DIP2C: variants seen among roughly 807,000 people sequenced by gnomAD.
The protein encoded by DIP2C is DIP2 acetate--CoA ligase C (putative).
DIP2C carries 33 observed loss-of-function variants against 192.4 expected under a neutral mutation model. The observed-to-expected ratio is 0.17, with a 90% CI of 0.13 to 0.23. The LOEUF is 0.23. Ranked by LOEUF, DIP2C falls within the 10% of genes least tolerant of loss-of-function variation. The pLI is 1.00. For synonymous variants in DIP2C, 979 were observed against 864.1 expected, an observed-to-expected ratio of 1.13 and a Z score of -2.33; for missense variants, 1,537 against 2,110.1, an observed-to-expected ratio of 0.73 and a Z score of 5.32.
intron 17 of DIP2C, among the ~76,000 whole-genome samples, chr10:378,670 G>A (rs1961958730): frequency 6.6e-6 from 1 of 151,124 alleles, no homozygotes; most frequent in Non-Finnish European, 1.5e-5. Context: ...GATATGCCTA[G>A]GCACACATGA....
At chr10:542,422 C>T (rs779036670) in intron 1 of DIP2C, among the ~76,000 whole-genome samples, 3 of 152,208 alleles carry the variant, frequency 2.0e-5, no homozygotes, top group Non-Finnish European at 4.4e-5. Flanking sequence ...GGAAAACAAG[C>T]TTCAGAAAGG....
chr10:668,283 C>T (rs1159698804), intron 1 of DIP2C: 1 of 151,870 alleles, frequency 6.6e-6, no homozygotes, highest in Non-Finnish European at 1.5e-5. Flanking sequence ...CAACATACAA[C>T]ATATAACACA....
chr10:604,064 C>A (rs916603903), intron 1 of DIP2C, among the ~76,000 whole-genome samples: 2 of 148,072 alleles, frequency 1.4e-5, no homozygotes, highest in African/African-American at 5.0e-5. Flanking sequence ...CTGGCCTCTA[C>A]CTCATCCTCA....
chr10:420,648 A>G (rs1589755559), intron 5 of DIP2C, among the ~76,000 whole-genome samples: 1 of 152,254 alleles, frequency 6.6e-6, no homozygotes, highest in Admixed American at 6.5e-5. Flanking sequence ...GGGATTTCCT[A>G]TCTTATGCCA....
intron 1 of DIP2C, among the ~76,000 whole-genome samples, chr10:536,922 T>TC (rs1407954632): frequency 6.6e-6 from 1 of 152,198 alleles, no homozygotes; most frequent in Non-Finnish European, 1.5e-5. Context: ...ATTCTGTTTT[T>TC]CCCAGAACTT....
At chr10:638,686 T>C (rs983554279) in intron 1 of DIP2C, among the ~76,000 whole-genome samples, 9 of 152,304 alleles carry the variant, frequency 5.9e-5, no homozygotes, top group Admixed American at 3.3e-4. Flanking sequence ...CCTCCCATTT[T>C]GGTGACAAAC....
At chr10:523,420 A>G (rs75792137) in intron 1 of DIP2C, among the ~76,000 whole-genome samples, 1,791 of 73,474 alleles carry the variant, frequency 0.024, 2 homozygotes, top group South Asian at 0.043. Context: ...CCTGGAGTGA[A>G]GATGCAGGGG....
intron 1 of DIP2C, among the ~76,000 whole-genome samples, chr10:513,528 C>T (rs1454467020): frequency 2.6e-5 from 4 of 152,084 alleles, no homozygotes; most frequent in Non-Finnish European, 4.4e-5. Context: ...CACAGCACAC[C>T]GCAGCCCATG....
At chr10:284,212 G>C (rs549554659) in intron 34 of DIP2C, among the ~76,000 whole-genome samples, 1 of 152,174 alleles carries the variant, frequency 6.6e-6, no homozygotes, top group Non-Finnish European at 1.5e-5. Context: ...AAGTGGTCAA[G>C]TTCCAGGAAG....
chr10:620,722 G>A (rs1853800992), intron 1 of DIP2C, among the ~76,000 whole-genome samples: 1 of 152,256 alleles, frequency 6.6e-6, no homozygotes, highest in Non-Finnish European at 1.5e-5. Context: ...TCCTGTGTCA[G>A]TGGGAGCCTC....
chr10:415,544 G>A (rs562647493), intron 7 of DIP2C, among the ~76,000 whole-genome samples: 1 of 152,106 alleles, frequency 6.6e-6, no homozygotes, highest in Admixed American at 6.5e-5. Context: ...CTGGGTCACA[G>A]AACAAAATCA....
At chr10:483,190 AAT>A (rs1212428098) in intron 2 of DIP2C, among the ~76,000 whole-genome samples, 3 of 152,212 alleles carry the variant, frequency 2.0e-5, no homozygotes, top group South Asian at 4.1e-4. Flanking sequence ...ACACTTTTAG[AAT>A]AGTTTCTGGA....
chr10:665,142 A>G (rs1199787573), intron 1 of DIP2C: 1 of 152,208 alleles, frequency 6.6e-6, no homozygotes, highest in Non-Finnish European at 1.5e-5. Context: ...TCCTGAATAA[A>G]ACAGAAAATA....
intron 17 of DIP2C, among the ~76,000 whole-genome samples, chr10:377,553 G>T (rs891475819): frequency 6.6e-6 from 1 of 152,130 alleles, no homozygotes; most frequent in African/African-American, 2.4e-5. Flanking sequence ...TAGATAAAAT[G>T]ACACAGTTTA....
chr10:286,406 C>T, intron 33 of DIP2C, 59 bp from the exon 34 acceptor site: 1 of 1,466,954 alleles, frequency 6.8e-7, no homozygotes, highest in Non-Finnish European at 9.5e-7. Context: ...AGACTACACA[C>T]AAGCCAACCT....
intron 31 of DIP2C, among the ~76,000 whole-genome samples, chr10:317,400 C>G (rs1429700216): frequency 6.6e-6 from 1 of 152,210 alleles, no homozygotes; most frequent in East Asian, 1.9e-4. Flanking sequence ...GTGCGGAAAG[C>G]ACCATGAGGC....
At chr10:346,418 T>C (rs368881536) in intron 26 of DIP2C, among the ~76,000 whole-genome samples, 37 of 1,056 alleles carry the variant, frequency 0.035, 3 homozygotes, top group African/African-American at 0.066. Context: ...AACCCAGACA[T>C]ATCGCGTATA....
chr10:351,288 G>A (rs1411546302), intron 24 of DIP2C, among the ~76,000 whole-genome samples: 9 of 152,226 alleles, frequency 5.9e-5, no homozygotes, highest in African/African-American at 9.6e-5. Context: ...GGCGGGGCAC[G>A]GTGAGTGGAA....
At chr10:664,315 A>G (rs1856957063) in intron 1 of DIP2C, 1 of 152,242 alleles carries the variant, frequency 6.6e-6, no homozygotes, top group African/African-American at 2.4e-5. Context: ...TTGCTCCAGG[A>G]GAGAGAAAAG....
Sources: gnomAD v4.1 joint callset for allele counts (sites outside exome capture counted in the v4.1 genomes callset) on GRCh38, gnomAD v4.1.1 for gene constraint, MANE v1.5 for transcripts, NCBI Gene and HGNC (gene_info 2026-07-23, HGNC 2026-07-21) for gene names.